The following SPOCK1 variants were observed in gnomAD, a reference collection of about 807,000 sequenced individuals.
SPOCK1 encodes the protein SPARC (osteonectin), cwcv and kazal like domains proteoglycan 1.
A neutral mutation model predicts 55.3 loss-of-function variants in SPOCK1; 23 were observed. The ratio of observed to expected loss-of-function variants is 0.42; its 90% CI spans 0.30 to 0.59. The LOEUF (loss-of-function observed/expected upper bound fraction) is 0.59, where lower values mean the gene tolerates loss of function less well. Ranked by LOEUF, SPOCK1 falls within the 20% of genes least tolerant of loss-of-function variation. The pLI, the probability that SPOCK1 is intolerant of heterozygous loss-of-function variation, is 0.22. For synonymous variants in SPOCK1, 226 were observed against 221.0 expected, an observed-to-expected ratio of 1.02 and a Z score of -0.20; for missense variants, 499 against 552.5, an observed-to-expected ratio of 0.90 and a Z score of 0.97.
chr5:137,186,641 C>A (rs148920082), intron 3 of SPOCK1, among the ~76,000 whole-genome samples: 458 of 152,276 alleles, frequency 3.0e-3, no homozygotes, highest in Middle Eastern at 0.014. Context: ...TATATAAGGG[C>A]TATCTGACCC....
At chr5:137,079,986 T>C (rs988645565) in intron 5 of SPOCK1, among the ~76,000 whole-genome samples, 1 of 152,248 alleles carries the variant, frequency 6.6e-6, no homozygotes, top group Non-Finnish European at 1.5e-5. Flanking sequence ...TTGTGTCATA[T>C]GTCTATGTAT....
chr5:137,441,387 G>T (rs1392514088), intron 2 of SPOCK1, among the ~76,000 whole-genome samples: 1 of 152,202 alleles, frequency 6.6e-6, no homozygotes, highest in African/African-American at 2.4e-5. Flanking sequence ...CAGCCTTGGT[G>T]TTCTCCTTTG....
At chr5:137,394,842 C>T (rs1268212030) in intron 2 of SPOCK1, among the ~76,000 whole-genome samples, 1 of 152,208 alleles carries the variant, frequency 6.6e-6, no homozygotes, top group Non-Finnish European at 1.5e-5. Flanking sequence ...GGGTCCTTAA[C>T]CCAAGACCCA....
At chr5:137,356,838 T>TATATATAG (rs1554077335) in intron 2 of SPOCK1, among the ~76,000 whole-genome samples, 7 of 5,454 alleles carry the variant, frequency 1.3e-3, no homozygotes, top group Non-Finnish European at 1.9e-3. Context: ...TATATATATA[T>TATATATAG]AGAGAGAGAG....
intron 2 of SPOCK1, among the ~76,000 whole-genome samples, chr5:137,312,829 T>C (rs76508609): frequency 0.035 from 5,272 of 152,288 alleles, 296 homozygotes; most frequent in African/African-American, 0.12. Context: ...ATCCAGTAAA[T>C]TGTCCACTTG....
chr5:137,296,623 C>T (rs150096149), intron 2 of SPOCK1, among the ~76,000 whole-genome samples: 2 of 152,264 alleles, frequency 1.3e-5, no homozygotes, highest in African/African-American at 2.4e-5. Context: ...CTAATGCAGG[C>T]CTCATAAGTA....
At chr5:137,036,017 G>C (rs911070121) in intron 6 of SPOCK1, among the ~76,000 whole-genome samples, 2 of 152,154 alleles carry the variant, frequency 1.3e-5, no homozygotes, top group African/African-American at 2.4e-5. Flanking sequence ...GCAGAAAAGG[G>C]GAGGTGTCCT....
chr5:137,177,832 G>C (rs535800832), intron 3 of SPOCK1, among the ~76,000 whole-genome samples: 1 of 151,738 alleles, frequency 6.6e-6, no homozygotes, highest in African/African-American at 2.4e-5. Flanking sequence ...GGGAGAGGGG[G>C]TGGGGAAAGA....
chr5:137,115,775 G>A (rs950866318), intron 4 of SPOCK1, among the ~76,000 whole-genome samples: 3 of 152,144 alleles, frequency 2.0e-5, no homozygotes, highest in African/African-American at 7.2e-5. Flanking sequence ...CAGAGGCCAA[G>A]TATGTAAAGT....
At chr5:137,284,897 G>A (rs757128) in intron 2 of SPOCK1, among the ~76,000 whole-genome samples, 9,580 of 152,246 alleles carry the variant, frequency 0.063, 509 homozygotes, top group African/African-American at 0.14. Context: ...CTATGACACT[G>A]GACCTCTGCA....
chr5:137,186,517 T>C (rs1211025345), intron 3 of SPOCK1, among the ~76,000 whole-genome samples: 1 of 152,134 alleles, frequency 6.6e-6, no homozygotes, highest in African/African-American at 2.4e-5. Flanking sequence ...CAAGATAACA[T>C]CAGTAACTTT....
chr5:137,085,963 T>C (rs1331011762), intron 5 of SPOCK1, among the ~76,000 whole-genome samples: 1 of 152,190 alleles, frequency 6.6e-6, no homozygotes, highest in Non-Finnish European at 1.5e-5. Context: ...TGCAACATCA[T>C]AGTTGAGTCC....
intron 4 of SPOCK1, among the ~76,000 whole-genome samples, chr5:137,113,415 T>G (rs946356013): frequency 6.6e-6 from 1 of 152,210 alleles, no homozygotes; most frequent in African/African-American, 2.4e-5. Context: ...CGTCTCTGGA[T>G]AGCCCATCAA....
chr5:137,262,215 T>C (rs1039658280), intron 3 of SPOCK1, among the ~76,000 whole-genome samples: 4 of 152,180 alleles, frequency 2.6e-5, no homozygotes, highest in Admixed American at 1.3e-4. Flanking sequence ...CTATCTTTCA[T>C]TCCCCTCCAG....
At chr5:137,031,171 C>T (rs769459410) in intron 6 of SPOCK1, among the ~76,000 whole-genome samples, 43 of 152,102 alleles carry the variant, frequency 2.8e-4, no homozygotes, top group Non-Finnish European at 5.4e-4. Flanking sequence ...CTTTTTATTC[C>T]CCACATTATC....
intron 2 of SPOCK1, among the ~76,000 whole-genome samples, chr5:137,478,077 T>C (rs528403000): frequency 6.6e-6 from 1 of 152,138 alleles, no homozygotes; most frequent in Non-Finnish European, 1.5e-5. Flanking sequence ...CTCAGGTATA[T>C]AACGGAGGTA....
At chr5:137,230,011 GAAGGA>G (rs376040280) in intron 3 of SPOCK1, among the ~76,000 whole-genome samples, 169 of 152,264 alleles carry the variant, frequency 1.1e-3, no homozygotes, top group African/African-American at 4.1e-3. Flanking sequence ...TTTGGCCAAT[GAAGGA>G]AAGGCAATGC....
intron 3 of SPOCK1, among the ~76,000 whole-genome samples, chr5:137,198,846 T>C (rs1755354431): frequency 6.6e-6 from 1 of 152,250 alleles, no homozygotes; most frequent in African/African-American, 2.4e-5. Flanking sequence ...TCTAAATTTT[T>C]ATACATAACT....
At chr5:137,209,801 G>T (rs1755578978) in intron 3 of SPOCK1, among the ~76,000 whole-genome samples, 3 of 152,152 alleles carry the variant, frequency 2.0e-5, no homozygotes, top group African/African-American at 7.2e-5. Flanking sequence ...TTTAAAAGAG[G>T]CACACAATAT....
Sources: allele counts gnomAD v4.1 joint callset (sites outside exome capture counted in the v4.1 genomes callset), GRCh38; gene constraint gnomAD v4.1.1; transcripts MANE v1.5; gene names NCBI Gene and HGNC (gene_info 2026-07-23, HGNC 2026-07-21).